LHFPL2: variants seen among roughly 807,000 people sequenced by gnomAD.
The protein encoded by LHFPL2 is LHFPL tetraspan subfamily member 2.
A neutral mutation model predicts 17.5 loss-of-function variants in LHFPL2; 7 were observed. The observed-to-expected ratio is 0.40, with a 90% CI of 0.23 to 0.75. The LOEUF (loss-of-function observed/expected upper bound fraction) is 0.75. Among genes scored for constraint, LHFPL2 ranks in the 30% least tolerant of loss-of-function variants. The pLI, the probability that LHFPL2 is intolerant of heterozygous loss-of-function variation, is 0.37. For synonymous variants in LHFPL2, 134 were observed against 116.2 expected (o/e 1.15, Z -0.99); for missense variants, 241 against 294.8 (o/e 0.82, Z 1.34).
chr5:78,637,035 C>T (rs956727560), intron 1 of LHFPL2, among the ~76,000 whole-genome samples: 2 of 152,084 alleles, frequency 1.3e-5, no homozygotes, highest in Admixed American at 1.3e-4. Context: ...TAAACTGATA[C>T]TCCTCTAAAT....
chr5:78,486,101 A>T lies in LHFPL2; in HGVS notation c.*2796T>A, dbSNP rs1468701758. The T allele has an allele frequency of 6.6e-6, 1 of 152,662 alleles. No individual in the cohort carries two copies. The highest frequency in any genetic ancestry group is 1.5e-5 in the Non-Finnish European group (1 of 68,046). The allele number at this position is 152,662 out of a possible 1,614,324, so 9.5% of individuals were successfully genotyped here. On this transcript the variant is annotated 3_prime_UTR_variant, in exon 5 of 5. Coordinates refer to ENST00000380345, the MANE Select transcript of LHFPL2 (RefSeq NM_005779.3). ...TGTATAATATACATATATATTTTTA[A>T]ATATGCTACACATAAAAAAAGACTA...
chr5:78,619,496 T>C (rs1471992495), intron 2 of LHFPL2, among the ~76,000 whole-genome samples: 7 of 149,190 alleles, frequency 4.7e-5, no homozygotes, highest in Non-Finnish European at 1.0e-4. Context: ...TATATATATA[T>C]ATATTTATTT....
chr5:78,578,807 C>T (rs1004592518), intron 2 of LHFPL2, among the ~76,000 whole-genome samples: 1 of 152,234 alleles, frequency 6.6e-6, no homozygotes, highest in African/African-American at 2.4e-5. Flanking sequence ...TCTACTCCAT[C>T]TCTAACTCTA....
chr5:78,606,133 G>A (rs1744204358), intron 2 of LHFPL2, among the ~76,000 whole-genome samples: 1 of 152,176 alleles, frequency 6.6e-6, no homozygotes, highest in South Asian at 2.1e-4. Flanking sequence ...GGTTTCTTGA[G>A]GGGAACAAAA....
intron 1 of LHFPL2, among the ~76,000 whole-genome samples, chr5:78,635,845 C>G (rs944100230): frequency 5.9e-5 from 9 of 152,134 alleles, no homozygotes; most frequent in Non-Finnish European, 1.0e-4. Flanking sequence ...AACAACCAAC[C>G]AACCAAAACA....
At chr5:78,560,401 T>C (rs1198394464) in intron 3 of LHFPL2, among the ~76,000 whole-genome samples, 1 of 152,252 alleles carries the variant, frequency 6.6e-6, no homozygotes, top group Non-Finnish European at 1.5e-5. Flanking sequence ...CAGTGCTGAA[T>C]CACCATGGGT....
intron 2 of LHFPL2, among the ~76,000 whole-genome samples, chr5:78,579,088 C>G (rs1391092684): frequency 1.3e-5 from 2 of 152,108 alleles, no homozygotes; most frequent in East Asian, 3.9e-4. Context: ...ATTTCCTCCA[C>G]CTTTTAGAAT....
intron 1 of LHFPL2, among the ~76,000 whole-genome samples, chr5:78,645,803 G>A (rs1411404272): frequency 6.6e-6 from 1 of 152,036 alleles, no homozygotes; most frequent in African/African-American, 2.4e-5. Flanking sequence ...GGGTGGTCTC[G>A]AACCCCTGAC....
chr5:78,496,741 C>T (rs1016758325), intron 4 of LHFPL2, among the ~76,000 whole-genome samples: 1 of 152,206 alleles, frequency 6.6e-6, no homozygotes, highest in African/African-American at 2.4e-5. Flanking sequence ...CAGTTATTCT[C>T]ATATGAATTT....
At chr5:78,499,888 G>A (rs987513691) in intron 4 of LHFPL2, among the ~76,000 whole-genome samples, 1 of 152,076 alleles carries the variant, frequency 6.6e-6, no homozygotes, top group Non-Finnish European at 1.5e-5. Context: ...CCCTTGGTCC[G>A]ACCAACTTCT....
At chr5:78,624,563 C>T (rs140536199) in intron 2 of LHFPL2, among the ~76,000 whole-genome samples, 3 of 152,302 alleles carry the variant, frequency 2.0e-5, no homozygotes, top group African/African-American at 4.8e-5. Flanking sequence ...ATAAAGTCTC[C>T]GCAGATCAGA....
chr5:78,603,588 G>A (rs1408606290), intron 2 of LHFPL2, among the ~76,000 whole-genome samples: 1 of 152,186 alleles, frequency 6.6e-6, no homozygotes, highest in Non-Finnish European at 1.5e-5. Context: ...TCTACTTAAA[G>A]ATGTTTGCTG....
chr5:78,548,777 C>T (rs913321074), intron 3 of LHFPL2, among the ~76,000 whole-genome samples: 20 of 152,202 alleles, frequency 1.3e-4, no homozygotes, highest in Admixed American at 1.2e-3. Flanking sequence ...ATTTTCTGTG[C>T]TGTTCCTCAT....
intron 4 of LHFPL2, among the ~76,000 whole-genome samples, chr5:78,503,463 G>A (rs531750874): frequency 2.4e-4 from 37 of 152,298 alleles, no homozygotes; most frequent in African/African-American, 7.9e-4. Context: ...CTGGGAGGCC[G>A]AGGCAGGTGG....
At chr5:78,566,249 G>GT (rs1280488595) in intron 2 of LHFPL2, among the ~76,000 whole-genome samples, 1 of 152,180 alleles carries the variant, frequency 6.6e-6, no homozygotes, top group East Asian at 1.9e-4. Flanking sequence ...TTATATGCAG[G>GT]TAAGTAGCTT....
At chr5:78,581,100 T>C (rs1743115568) in intron 2 of LHFPL2, among the ~76,000 whole-genome samples, 2 of 152,202 alleles carry the variant, frequency 1.3e-5, no homozygotes, top group African/African-American at 4.8e-5. Context: ...TTTTATTCTC[T>C]TTGAAGCAAT....
At position 78,510,186 on chromosome 5, in the gene LHFPL2, A is replaced by G; in HGVS notation, c.28T>C (p.Ser10Pro). 1 of 1,601,470 alleles carries G rather than the reference A, an allele frequency of 6.2e-7. No individual in the cohort carries two copies. The highest frequency in any genetic ancestry group is 8.5e-7 in the Non-Finnish European group (1 of 1,171,714). MCHVIVTCR[S>P]MLWTLLSIVV... ...ATACTCAGCAAGGTCCAGAGCATCG[A>G]GCGACAGGTGACAATGACATGACAC... The change falls in exon 4 of 5, where the codon TCG (serine) becomes CCG (proline). Residue 10 changes from serine to proline, a missense_variant. Physicochemically the swap from Ser to Pro is moderately conservative, Grantham distance 74 (BLOSUM62 -1). Transcript: ENST00000380345.
chr5:78,534,611 C>T (rs1755888334), intron 3 of LHFPL2, among the ~76,000 whole-genome samples: 1 of 152,232 alleles, frequency 6.6e-6, no homozygotes, highest in South Asian at 2.1e-4. Flanking sequence ...AGACGTAGGG[C>T]CCATCTTCCC....
At position 78,609,450 on chromosome 5, in the gene LHFPL2, C is replaced by CAAAAAAAAAAAAAAA. The variant is rs71613975; in HGVS notation, c.-245+22799_-245+22813dup. Among the ~76,000 whole-genome samples the CAAAAAAAAAAAAAAA allele has an allele frequency of 2.7e-4, 11 of 40,682 alleles. 1 individual carries two copies. The highest frequency in any genetic ancestry group is 8.6e-4 in the African/African-American group (10 of 11,684). 26.7% of individuals were successfully genotyped at this position (40,682 alleles called of 152,430 possible). On this transcript the variant is annotated intron_variant, in intron 2 of 4. Transcript: ENST00000380345. The stretch of plus-strand genomic sequence containing the variant: ...TGGGAAACAGAGCGAGACTCAGTCT[C>CAAAAAAAAAAAAAAA]AAAAAAAAAAAAAAAAAAAAAAAAA...
Sources: gnomAD v4.1 joint callset for allele counts (sites outside exome capture counted in the v4.1 genomes callset) on GRCh38, gnomAD v4.1.1 for gene constraint, MANE v1.5 for transcripts, NCBI Gene and HGNC (gene_info 2026-07-23, HGNC 2026-07-21) for gene names.